GRIN3A: variants seen among roughly 807,000 people sequenced by gnomAD.
GRIN3A encodes glutamate receptor ionotropic, NMDA 3A.
GRIN3A carries 47 observed loss-of-function variants against 92.4 expected under a neutral mutation model. The observed-to-expected ratio is 0.51, with a 90% CI of 0.40 to 0.65. GRIN3A has a LOEUF of 0.65. Among genes scored for constraint, GRIN3A ranks in the 30% least tolerant of loss-of-function variants. The probability of loss-of-function intolerance (pLI) is 0.00; values close to 1 mark genes in which losing one functional copy is unlikely to be tolerated. For synonymous variants in GRIN3A, 527 were observed against 540.6 expected (o/e 0.97, Z 0.35); for missense variants, 1,324 against 1,393.1 (o/e 0.95, Z 0.79).
intron 6 of GRIN3A, among the ~76,000 whole-genome samples, chr9:101,611,278 T>C (rs1031296253): frequency 1.3e-5 from 2 of 152,130 alleles, no homozygotes; most frequent in African/African-American, 4.8e-5. Context: ...ATCTTTAGCA[T>C]TTCCTTGGCT....
intron 3 of GRIN3A, among the ~76,000 whole-genome samples, chr9:101,667,065 C>T (rs1019893401): frequency 6.6e-6 from 1 of 151,972 alleles, no homozygotes; most frequent in African/African-American, 2.4e-5. Context: ...CTCAATTAAG[C>T]TTACTTTTTC....
intron 2 of GRIN3A, among the ~76,000 whole-genome samples, chr9:101,672,616 T>C (rs1829342635): frequency 6.6e-6 from 1 of 152,060 alleles, no homozygotes; most frequent in African/African-American, 2.4e-5. Flanking sequence ...ATAGAAGAAA[T>C]AAGACATTAT....
At chr9:101,731,039 A>G (rs1282425453) in intron 1 of GRIN3A, among the ~76,000 whole-genome samples, 1 of 152,160 alleles carries the variant, frequency 6.6e-6, no homozygotes, top group Non-Finnish European at 1.5e-5. Context: ...TTTCTGTGTC[A>G]ATAAATATAT....
intron 3 of GRIN3A, among the ~76,000 whole-genome samples, chr9:101,659,388 GTATC>G (rs1292689764): frequency 7.1e-6 from 1 of 141,042 alleles, no homozygotes; most frequent in Non-Finnish European, 1.6e-5. Flanking sequence ...TACATAGAAA[GTATC>G]TATGTATTTA....
In GRIN3A at chr9:101,686,578, CG is replaced by C; in HGVS notation, c.1304+17del. 1.2e-6 allele frequency: 2 copies of C among 1,613,896 alleles called. No homozygotes were observed. Among genetic ancestry groups the C allele is most frequent in the African/African-American group, 2.7e-5 (2 of 75,032 alleles). Reference sequence around the variant, plus strand: ...ATGGCCCTATGAATGGGGATATAACCGAGACCTTGCATCCTACCTTGATAAA... The same window carrying C: ...ATGGCCCTATGAATGGGGATATAACCAGACCTTGCATCCTACCTTGATAAA... On this transcript the variant is annotated intron_variant, in intron 2 of 8. Transcript: ENST00000361820.
At chr9:101,687,304 G>T in intron 1 of GRIN3A, 104 bp from the exon 2 acceptor site, 3 of 1,128,866 alleles carry the variant, frequency 2.7e-6, no homozygotes, top group East Asian at 4.8e-5. Flanking sequence ...TAATTTCACT[G>T]TGATACATAG....
intron 1 of GRIN3A, among the ~76,000 whole-genome samples, chr9:101,731,532 T>C (rs1830139471): frequency 6.6e-6 from 1 of 152,172 alleles, no homozygotes; most frequent in South Asian, 2.1e-4. Context: ...CCTGCTTAAT[T>C]CTCTACCACA....
At position 101,667,726 on chromosome 9, in the gene GRIN3A, T is replaced by C. The variant is rs527835428; in HGVS notation, c.2352+2334A>G. Among the ~76,000 whole-genome samples, 32 of 152,180 alleles carry C rather than the reference T, an allele frequency of 2.1e-4. No homozygotes were observed. In the East Asian group the frequency reaches 6.2e-3, roughly 30 times the overall value. The stretch of plus-strand genomic sequence containing the variant: ...CTGAGGGATGTGGAAATAATTTTTA[T>C]CTTGTATCTCTGTTTGAGAGTGAGG... On this transcript the variant is annotated intron_variant, in intron 3 of 8. Transcript: ENST00000361820.
intron 1 of GRIN3A, among the ~76,000 whole-genome samples, chr9:101,706,919 C>T (rs1030263919): frequency 3.9e-5 from 6 of 152,144 alleles, no homozygotes; most frequent in African/African-American, 1.4e-4. Flanking sequence ...GATTGATCTC[C>T]CTTTTTTCCC....
At chr9:101,654,879 G>A (rs1345274767) in intron 3 of GRIN3A, among the ~76,000 whole-genome samples, 1 of 151,772 alleles carries the variant, frequency 6.6e-6, no homozygotes, top group South Asian at 2.1e-4. Flanking sequence ...TGGAAATGGC[G>A]GGTAGGGATC....
chr9:101,709,084 A>G (rs1484879226), intron 1 of GRIN3A, among the ~76,000 whole-genome samples: 1 of 152,086 alleles, frequency 6.6e-6, no homozygotes, highest in Non-Finnish European at 1.5e-5. Flanking sequence ...CATAACCTGT[A>G]TTCTAACTCT....
At position 101,670,898 on chromosome 9, in the gene GRIN3A, G is replaced by T; in HGVS notation, c.1514C>A (p.Thr505Asn). ...TAGCTTACTTGGATGTTGGAAGTGG[G>T]TTTTGTGTCTCTGGGCCTGCTCTGG... ...IWPEQAQRHK[T>N]HFQHPSKLHL... Residue 505 changes from threonine (T) to asparagine (N), a missense_variant, in exon 3 of 9, where the codon ACC becomes AAC. By Grantham distance (65) the Thr-to-Asn change is moderately conservative. Coordinates refer to ENST00000361820, the MANE Select transcript of GRIN3A (RefSeq NM_133445.3). 2 of 1,612,220 alleles carry T rather than the reference G, an allele frequency of 1.2e-6. No individual in the cohort carries two copies. Among genetic ancestry groups the T allele is most frequent in the East Asian group, 2.2e-5 (1 of 44,816 alleles).
rs899000160 is a variant in GRIN3A, at chr9:101,594,343, G to C, written c.2767-14983C>G. The C allele has an allele frequency of 5.3e-6, 8 of 1,521,602 alleles. No homozygotes were observed. The South Asian group carries it at 9.3e-5, about 18-fold the overall frequency. 94.3% of individuals were successfully genotyped at this position (1,521,602 alleles called of 1,614,324 possible). On this transcript the variant is annotated intron_variant, in intron 6 of 8. Coordinates refer to ENST00000361820, the MANE Select transcript of GRIN3A (RefSeq NM_133445.3). The stretch of plus-strand genomic sequence containing the variant: ...AGTCAGAGAGACAGTTGGACGTCTT[G>C]AGCAAATCTTGAAAGAGATAGGGAA...
chr9:101,669,999 A>G, intron 3 of GRIN3A, 61 bp downstream of exon 3: 1 of 1,235,422 alleles, frequency 8.1e-7, no homozygotes, highest in Non-Finnish European at 1.2e-6. Flanking sequence ...CTACAGCAGA[A>G]GATACAACAT....
chr9:101,611,774 A>G (rs1412315689), intron 6 of GRIN3A, among the ~76,000 whole-genome samples: 2 of 152,264 alleles, frequency 1.3e-5, no homozygotes, highest in Non-Finnish European at 2.9e-5. Context: ...TTTATAAATT[A>G]TGACAAGTGC....
At chr9:101,735,148 A>G (rs1022418404) in intron 1 of GRIN3A, among the ~76,000 whole-genome samples, 1 of 125,818 alleles carries the variant, frequency 7.9e-6, no homozygotes, top group African/African-American at 2.8e-5. Flanking sequence ...TGACATTTAA[A>G]TGAGATACCA....
intron 6 of GRIN3A, chr9:101,593,303 C>T (rs1828058475): frequency 6.6e-6 from 1 of 152,078 alleles, no homozygotes; most frequent in East Asian, 1.9e-4. Flanking sequence ...AGGACTTCTG[C>T]ACTGAATGTT....
At chr9:101,634,382 T>TGTAAATGA (rs1341188052) in intron 3 of GRIN3A, among the ~76,000 whole-genome samples, 1 of 150,094 alleles carries the variant, frequency 6.7e-6, no homozygotes, top group Non-Finnish European at 1.5e-5. Context: ...GCATAGCTTC[T>TGTAAATGA]GTAAATGAAA....
intron 3 of GRIN3A, among the ~76,000 whole-genome samples, chr9:101,657,471 A>G (rs1351142224): frequency 6.6e-6 from 1 of 151,988 alleles, no homozygotes; most frequent in Admixed American, 6.6e-5. Context: ...CAGTATTTCA[A>G]TGAACAGGGA....
Sources: gnomAD v4.1 joint callset for allele counts (sites outside exome capture counted in the v4.1 genomes callset) on GRCh38, gnomAD v4.1.1 for gene constraint, MANE v1.5 for transcripts, NCBI Gene and HGNC (gene_info 2026-07-23, HGNC 2026-07-21) for gene names.